The following RIMBP2 variants were observed in gnomAD, a reference collection of about 807,000 sequenced individuals.
RIMBP2 encodes RIMS-binding protein 2.
A neutral mutation model predicts 118.6 loss-of-function variants in RIMBP2; 48 were observed. The ratio of observed to expected loss-of-function variants is 0.40; its 90% confidence interval spans 0.32 to 0.51. The LOEUF (loss-of-function observed/expected upper bound fraction) is 0.51. Among genes scored for constraint, RIMBP2 ranks in the 20% least tolerant of loss-of-function variants. RIMBP2 has a pLI of 0.41. For missense variants in RIMBP2, 1,551 were observed against 1,768.3 expected, an observed-to-expected ratio of 0.88 and a Z score of 2.20; for synonymous variants, 762 against 742.9, an observed-to-expected ratio of 1.03 and a Z score of -0.42.
At chr12:130,501,193 C>T (rs958646444) in intron 4 of RIMBP2, among the ~76,000 whole-genome samples, 5 of 152,142 alleles carry the variant, frequency 3.3e-5, no homozygotes, top group African/African-American at 9.7e-5. Flanking sequence ...AGACACACCC[C>T]GAGCCTGTGC....
rs541268431 is a variant in RIMBP2, at chr12:130,432,130, G to A, written c.2253+2604C>T. On this transcript the variant is annotated intron_variant, in intron 14 of 22. Transcript: ENST00000690449. ...GAACAAGTGCTCCAGCCTTTCCTCCGGGTTTGTAATCTGAGCAGATTGCAG... is the reference window on the plus strand; with the variant it reads ...GAACAAGTGCTCCAGCCTTTCCTCCAGGTTTGTAATCTGAGCAGATTGCAG... 5.2e-5 allele frequency: 22 copies of A among 426,494 alleles called. No homozygotes were observed. In the East Asian group the frequency reaches 5.8e-4, roughly 11 times the overall value. The allele number at this position is 426,494 out of a possible 1,614,324, so 26.4% of individuals were successfully genotyped here.
intron 2 of RIMBP2, among the ~76,000 whole-genome samples, chr12:130,589,394 A>T (rs967357837): frequency 3.3e-5 from 5 of 152,266 alleles, no homozygotes; most frequent in Non-Finnish European, 4.4e-5. Context: ...TCTTGGTGAA[A>T]AGCACTCATT....
chr12:130,416,659 C>T (rs2076116762), intron 17 of RIMBP2, among the ~76,000 whole-genome samples: 1 of 152,190 alleles, frequency 6.6e-6, no homozygotes, highest in South Asian at 2.1e-4. Context: ...TGGACATCAG[C>T]CTTGGCAAAG....
chr12:130,438,425 G>A lies in RIMBP2; in HGVS notation c.1596C>T (p.Pro532=), dbSNP rs1009258469. 2.6e-5 allele frequency: 42 copies of A among 1,613,446 alleles called. No homozygotes were observed. The highest frequency in any genetic ancestry group is 3.1e-5 in the Non-Finnish European group (37 of 1,179,828). The part of the protein sequence containing the change: ...RVSWRPPVLT[P]TGLSNGANVT... The stretch of plus-strand genomic sequence containing the variant: ...CGTTTGCGCCATTGGACAGCCCGGT[G>A]GGCGTCAGCACAGGTGGTCTCCAGG... The change falls in exon 12 of 23, where the codon CCC becomes CCT. Residue 532 remains proline (P), a synonymous_variant. Coordinates refer to ENST00000690449, the MANE Select transcript of RIMBP2 (RefSeq NM_001393629.1).
At chr12:130,550,933 T>G (rs943739991) in intron 2 of RIMBP2, among the ~76,000 whole-genome samples, 6 of 152,326 alleles carry the variant, frequency 3.9e-5, no homozygotes, top group African/African-American at 1.4e-4. Flanking sequence ...AGATGAAAAG[T>G]GGGTGCCGCA....
intron 1 of RIMBP2, among the ~76,000 whole-genome samples, chr12:130,676,718 C>T (rs986774563): frequency 6.6e-6 from 1 of 152,180 alleles, no homozygotes; most frequent in Admixed American, 6.5e-5. Flanking sequence ...AACCACCACA[C>T]AGCCCAAATC....
At chr12:130,601,335 C>CAAAAAAA (rs35127958) in intron 2 of RIMBP2, among the ~76,000 whole-genome samples, 23 of 63,074 alleles carry the variant, frequency 3.6e-4, no homozygotes, top group South Asian at 9.4e-4. Flanking sequence ...AGAGGGCAGG[C>CAAAAAAA]AAAAAAAAAA....
intron 3 of RIMBP2, among the ~76,000 whole-genome samples, chr12:130,512,856 G>A (rs544882682): frequency 5.9e-5 from 9 of 152,274 alleles, no homozygotes; most frequent in Admixed American, 3.3e-4. Flanking sequence ...CCTCTTATGC[G>A]ATTTTTTTTA....
At chr12:130,550,685 T>A (rs925588783) in intron 2 of RIMBP2, among the ~76,000 whole-genome samples, 16 of 152,248 alleles carry the variant, frequency 1.1e-4, no homozygotes, top group African/African-American at 3.6e-4. Flanking sequence ...ATGATGTGGA[T>A]GGCCCTCTGC....
Position 130,510,736 on chromosome 12 carries a change from T to A in RIMBP2, c.-126-3966A>T, listed in dbSNP as rs532083529. Among the ~76,000 whole-genome samples the A allele has an allele frequency of 5.9e-5, 9 of 152,344 alleles. No homozygotes were observed. The East Asian group carries it at 1.7e-3, about 29-fold the overall frequency. On this transcript the variant is annotated intron_variant, in intron 3 of 22. Coordinates refer to ENST00000690449, the MANE Select transcript of RIMBP2 (RefSeq NM_001393629.1). ...TGCCCACTTCGGCCTCCCGAAGTGC[T>A]GGAATTACAGATGTGAACCACCTCA...
chr12:130,490,110 C>A (rs181781428), intron 4 of RIMBP2, among the ~76,000 whole-genome samples: 9 of 121,516 alleles, frequency 7.4e-5, no homozygotes, highest in African/African-American at 2.7e-4. Context: ...GGTGACAGAG[C>A]GAGACTCTGT....
chr12:130,417,292 T>C (rs529299362), intron 17 of RIMBP2, among the ~76,000 whole-genome samples: 2 of 152,202 alleles, frequency 1.3e-5, no homozygotes, highest in African/African-American at 4.8e-5. Flanking sequence ...GCACTCAATA[T>C]GGTGATCGCA....
intron 1 of RIMBP2, among the ~76,000 whole-genome samples, chr12:130,649,942 C>T (rs2063157923): frequency 6.6e-6 from 1 of 152,046 alleles, no homozygotes; most frequent in South Asian, 2.1e-4. Flanking sequence ...CAAAGTCAAG[C>T]CTTGTCTGCA....
chr12:130,634,850 C>T (rs926302556), intron 1 of RIMBP2, among the ~76,000 whole-genome samples: 2 of 152,202 alleles, frequency 1.3e-5, no homozygotes, highest in Non-Finnish European at 2.9e-5. Context: ...CCACCTGCTG[C>T]AGCTTCCCAA....
intron 1 of RIMBP2, chr12:130,658,384 G>T (rs7965988): frequency 6.6e-6 from 1 of 152,050 alleles, no homozygotes; most frequent in African/African-American, 2.4e-5. Flanking sequence ...GCAAGAACAC[G>T]AATCTGTCAT....
intron 2 of RIMBP2, among the ~76,000 whole-genome samples, chr12:130,618,768 C>CAAA (rs1242549003): frequency 6.6e-6 from 1 of 152,110 alleles, no homozygotes; most frequent in East Asian, 1.9e-4. Context: ...ATTTCAACAA[C>CAAA]ATAAAGCAAT....
intron 1 of RIMBP2, among the ~76,000 whole-genome samples, chr12:130,635,518 C>T (rs1423211595): frequency 6.6e-6 from 1 of 152,150 alleles, no homozygotes; most frequent in Non-Finnish European, 1.5e-5. Flanking sequence ...GTGTCTGCAG[C>T]TCTGCTCCAA....
At chr12:130,535,501 G>C (rs1429754579) in intron 2 of RIMBP2, among the ~76,000 whole-genome samples, 2 of 151,888 alleles carry the variant, frequency 1.3e-5, no homozygotes, top group Non-Finnish European at 2.9e-5. Flanking sequence ...GCAAGCAACA[G>C]AATGAGACTT....
At chr12:130,452,141 C>T (rs2079057036) in intron 7 of RIMBP2, among the ~76,000 whole-genome samples, 1 of 152,190 alleles carries the variant, frequency 6.6e-6, no homozygotes, top group Non-Finnish European at 1.5e-5. Flanking sequence ...CTGCTTCCTT[C>T]CCAAGCTCTC....
Sources: allele counts gnomAD v4.1 joint callset (sites outside exome capture counted in the v4.1 genomes callset), GRCh38; gene constraint gnomAD v4.1.1; transcripts MANE v1.5; gene names NCBI Gene and HGNC (gene_info 2026-07-23, HGNC 2026-07-21).